HGF: variants seen among roughly 807,000 people sequenced by gnomAD.
HGF encodes the protein fibroblast-derived tumor cytotoxic factor.
A neutral mutation model predicts 111.6 loss-of-function variants in HGF; 39 were observed. The observed-to-expected ratio is 0.35, with a 90% confidence interval of 0.27 to 0.46. The LOEUF is 0.46. Ranked by LOEUF, HGF falls within the 20% of genes least tolerant of loss-of-function variation. The probability of loss-of-function intolerance (pLI) is 1.00; values close to 1 mark genes in which losing one functional copy is unlikely to be tolerated. For missense variants in HGF, 735 were observed against 910.5 expected (o/e 0.81, Z 2.48); for synonymous variants, 285 against 294.8 (o/e 0.97, Z 0.34).
intron 5 of HGF, among the ~76,000 whole-genome samples, chr7:81,748,958 G>A (rs1294458627): frequency 6.6e-6 from 1 of 152,158 alleles, no homozygotes; most frequent in Non-Finnish European, 1.5e-5. Flanking sequence ...TATTTTGAAA[G>A]TATCTGAATC....
intron 4 of HGF, among the ~76,000 whole-genome samples, chr7:81,754,235 C>T (rs992464974): frequency 7.2e-5 from 11 of 151,844 alleles, no homozygotes; most frequent in Admixed American, 2.0e-4. Flanking sequence ...ATGAATAATA[C>T]GAACTATAAT....
chr7:81,753,279 A>C (rs528018521), intron 4 of HGF, among the ~76,000 whole-genome samples: 1 of 152,224 alleles, frequency 6.6e-6, no homozygotes, highest in African/African-American at 2.4e-5. Flanking sequence ...TTTGTCTGCC[A>C]GACTTTACAC....
In HGF at chr7:81,717,480, C is replaced by T; in HGVS notation, c.1272-115G>A. 3 of 1,043,616 alleles carry T rather than the reference C, an allele frequency of 2.9e-6. No homozygotes were observed. In the Admixed American group the frequency reaches 5.2e-5, roughly 18 times the overall value. 64.6% of individuals were successfully genotyped at this position (1,043,616 alleles called of 1,614,324 possible). On this transcript the variant is annotated intron_variant, in intron 10 of 17. Transcript: ENST00000222390. ...TACTTTCACTGTAGATACAGCATAACCTTTTACTTGGGATGAATTTTAGCT... is the reference window on the plus strand; with the variant it reads ...TACTTTCACTGTAGATACAGCATAATCTTTTACTTGGGATGAATTTTAGCT...
intron 9 of HGF, among the ~76,000 whole-genome samples, chr7:81,721,120 G>A (rs913487217): frequency 9.2e-5 from 14 of 152,068 alleles, no homozygotes; most frequent in Admixed American, 8.5e-4. Context: ...GGTGGTGGGC[G>A]CCTGTAGTCC....
chr7:81,730,634 TA>T (rs5745681), intron 7 of HGF, among the ~76,000 whole-genome samples: 117,235 of 151,916 alleles, frequency 0.77, 45,429 homozygotes, highest in Middle Eastern at 0.88. Flanking sequence ...CCTCAGTCAC[TA>T]AGTAATAAAA....
chr7:81,751,686 C>A, intron 5 of HGF: 1 of 1,025,484 alleles, frequency 9.8e-7, no homozygotes, highest in Non-Finnish European at 1.2e-6. Context: ...GTCCATATAC[C>A]CTTGTCACAC....
intron 10 of HGF, among the ~76,000 whole-genome samples, chr7:81,719,015 T>C (rs923456230): frequency 6.6e-6 from 1 of 152,230 alleles, no homozygotes; most frequent in Non-Finnish European, 1.5e-5. Flanking sequence ...ATTTCTTAAC[T>C]GAGCTTACAA....
intron 2 of HGF, among the ~76,000 whole-genome samples, chr7:81,760,515 T>G (rs2116219314): frequency 6.6e-6 from 1 of 152,358 alleles, no homozygotes; most frequent in South Asian, 2.1e-4. Flanking sequence ...TGGTTTACGG[T>G]ATTTTTCATT....
chr7:81,758,826 A>C (rs1047152158), intron 2 of HGF, 22 bp from the exon 3 acceptor site: 1 of 1,478,776 alleles, frequency 6.8e-7, no homozygotes, highest in East Asian at 2.3e-5. Context: ...ATCAGAATGA[A>C]AAGAAGAAAT....
chr7:81,763,844 C>T (rs1005886091), intron 1 of HGF, among the ~76,000 whole-genome samples: 1 of 152,082 alleles, frequency 6.6e-6, no homozygotes, highest in Non-Finnish European at 1.5e-5. Context: ...AGGATACATT[C>T]ATTTTTCAGC....
intron 17 of HGF, among the ~76,000 whole-genome samples, chr7:81,704,228 G>T (rs183441304): frequency 2.0e-5 from 3 of 151,834 alleles, no homozygotes; most frequent in Admixed American, 6.6e-5. Context: ...TCAAACTGAA[G>T]AGGGAAGTGA....
intron 7 of HGF, among the ~76,000 whole-genome samples, chr7:81,732,233 G>A (rs962166350): frequency 2.0e-5 from 3 of 151,808 alleles, no homozygotes; most frequent in Non-Finnish European, 4.4e-5. Flanking sequence ...ACCACTCCTC[G>A]GACACAAGTA....
chr7:81,715,343 A>T (rs1789680889), intron 11 of HGF, among the ~76,000 whole-genome samples: 1 of 152,048 alleles, frequency 6.6e-6, no homozygotes, highest in South Asian at 2.1e-4. Flanking sequence ...AAAAATAATA[A>T]TCTTTTAATA....
At chr7:81,712,548 C>G (rs1344096386) in intron 11 of HGF, among the ~76,000 whole-genome samples, 1 of 152,158 alleles carries the variant, frequency 6.6e-6, no homozygotes, top group Non-Finnish European at 1.5e-5. Flanking sequence ...ACTTTTTCAT[C>G]TCTACTGGGG....
At position 81,710,164 on chromosome 7, in the gene HGF, C is replaced by A. The variant is rs746380080; in HGVS notation, c.1524G>T (p.Met508Ile). ...ATAATTACCTGTATCTCAAACTAAC[C>A]ATCCATCCTATGTTTGTTCGTGTTG... Reference protein sequence around the residue: ...GIPTRTNIGWMVSLRYRNKHI... With the variant: ...GIPTRTNIGWIVSLRYRNKHI... Residue 508 changes from methionine (M) to isoleucine (I), a missense_variant, in exon 13 of 18, where the codon ATG (methionine) becomes ATT (isoleucine). By Grantham distance (10) the Met-to-Ile change is conservative. Coordinates refer to ENST00000222390, the MANE Select transcript of HGF (RefSeq NM_000601.6). 1 of 1,607,490 alleles carries A rather than the reference C, an allele frequency of 6.2e-7. No homozygotes were observed. The highest frequency in any genetic ancestry group is 1.7e-5 in the Admixed American group (1 of 59,960).
At chr7:81,748,579 T>C (rs181584016) in intron 5 of HGF, among the ~76,000 whole-genome samples, 3 of 152,330 alleles carry the variant, frequency 2.0e-5, no homozygotes, top group African/African-American at 7.2e-5. Context: ...ATATAAACGA[T>C]GTAACAGTTT....
chr7:81,740,690 G>C (rs1316351898), intron 7 of HGF, among the ~76,000 whole-genome samples: 1 of 152,188 alleles, frequency 6.6e-6, no homozygotes, highest in Non-Finnish European at 1.5e-5. Flanking sequence ...CCATATTGTA[G>C]AGAGGGTTAT....
chr7:81,709,385 A>G (rs2115793564), intron 13 of HGF, among the ~76,000 whole-genome samples: 2 of 152,330 alleles, frequency 1.3e-5, no homozygotes, highest in Middle Eastern at 6.8e-3. Flanking sequence ...ATAGCCAAAG[A>G]CATAAATATT....
At chr7:81,726,122 A>G in intron 8 of HGF, 105 bp from the exon 9 acceptor site, 7 of 1,188,896 alleles carry the variant, frequency 5.9e-6, no homozygotes, top group Non-Finnish European at 8.8e-6. Flanking sequence ...GTTTATAAAT[A>G]GAGTTCTAAC....
Sources: allele counts gnomAD v4.1 joint callset (sites outside exome capture counted in the v4.1 genomes callset), GRCh38; gene constraint gnomAD v4.1.1; transcripts MANE v1.5; gene names NCBI Gene and HGNC (gene_info 2026-07-23, HGNC 2026-07-21).